Variants in FOCAD observed in about 807,000 individuals in gnomAD.
The protein encoded by FOCAD is KIAA1797.
A neutral mutation model predicts 225.6 loss-of-function variants in FOCAD; 198 were observed. The observed-to-expected ratio is 0.88, with a 90% CI of 0.78 to 0.99. The LOEUF is 0.99. Ranked by LOEUF, FOCAD falls within the 50% of genes least tolerant of loss-of-function variation. The pLI, the probability that FOCAD is intolerant of heterozygous loss-of-function variation, is 0.00. For synonymous variants in FOCAD, 897 were observed against 755.0 expected, an observed-to-expected ratio of 1.19 and a Z score of -3.08; for missense variants, 2,713 against 2,123.6, an observed-to-expected ratio of 1.28 and a Z score of -5.46.
chr9:20,895,294 T>C (rs1831982537), intron 21 of FOCAD, among the ~76,000 whole-genome samples: 1 of 151,974 alleles, frequency 6.6e-6, no homozygotes, highest in Non-Finnish European at 1.5e-5. Flanking sequence ...TGTTGGCTCT[T>C]CTTTGTCCTT....
At chr9:20,680,671 T>C (rs1396871447), upstream of FOCAD, among the ~76,000 whole-genome samples, 3 of 152,124 alleles carry the variant, frequency 2.0e-5, no homozygotes, top group East Asian at 1.9e-4. Flanking sequence ...TTAGTCCTTC[T>C]AAAACATATT....
chr9:20,697,610 CAGAA>C (rs1210692427), intron 1 of FOCAD, among the ~76,000 whole-genome samples: 3 of 152,258 alleles, frequency 2.0e-5, no homozygotes, highest in African/African-American at 7.2e-5. Flanking sequence ...ATGTCACTAT[CAGAA>C]AGAGCTTTTT....
At chr9:20,918,945 G>C (rs1834118479) in intron 24 of FOCAD, among the ~76,000 whole-genome samples, 1 of 152,132 alleles carries the variant, frequency 6.6e-6, no homozygotes, top group Non-Finnish European at 1.5e-5. Context: ...TGCCAGCTTA[G>C]CTTCCCTTTC....
Position 20,926,346 on chromosome 9 carries a change from C to T in FOCAD, c.3007C>T (p.Leu1003Phe), listed in dbSNP as rs1371137485. The T allele has an allele frequency of 1.9e-6, 3 of 1,613,538 alleles. No individual in the cohort carries two copies. Among genetic ancestry groups the T allele is most frequent in the African/African-American group, 1.3e-5 (1 of 74,978 alleles). The change falls in exon 26 of 44, where the codon CTT becomes TTT. Residue 1003 changes from leucine (L) to phenylalanine (F), a missense_variant. By Grantham distance (22) the Leu-to-Phe change is conservative. Transcript: ENST00000338382. ...LSMKEWVSMV[L>F]DTLLVIVDSH... ...AATGAAAGAGTGGGTTTCCATGGTA[C>T]TTGATACACTCTTGGTCATTGTGGA...
chr9:20,825,864 G>A (rs1027393400), intron 15 of FOCAD, among the ~76,000 whole-genome samples: 1 of 152,072 alleles, frequency 6.6e-6, no homozygotes, highest in Non-Finnish European at 1.5e-5. Context: ...TAAAGATTGT[G>A]TTTTCAATAT....
At chr9:20,822,773 T>G (rs1824463249) in intron 14 of FOCAD, among the ~76,000 whole-genome samples, 1 of 151,846 alleles carries the variant, frequency 6.6e-6, no homozygotes, top group Non-Finnish European at 1.5e-5. Flanking sequence ...AGTGTCTTTT[T>G]GGGTTATTTC....
In FOCAD at chr9:20,765,056, A is replaced by T. The variant is rs774438475; in HGVS notation, c.682A>T (p.Ile228Leu). ...EQQILQLCCD[I>L]VPCLQVKDLI... Reference sequence around the variant, plus strand: ...GCAGATACTTCAACTGTGTTGTGACATAGTTCCATGTTTGCAGGTAAGGTC... The same window carrying T: ...GCAGATACTTCAACTGTGTTGTGACTTAGTTCCATGTTTGCAGGTAAGGTC... Residue 228 changes from isoleucine (I) to leucine (L), a missense_variant, in exon 7 of 44, where the codon ATA (isoleucine) becomes TTA (leucine). Transcript: ENST00000338382. 1.7e-5 allele frequency: 27 copies of T among 1,613,418 alleles called. No homozygotes were observed. In the South Asian group the frequency reaches 2.1e-4, roughly 12 times the overall value.
At chr9:20,793,857 C>T (rs1413175719) in intron 11 of FOCAD, among the ~76,000 whole-genome samples, 4 of 152,044 alleles carry the variant, frequency 2.6e-5, no homozygotes, top group South Asian at 2.1e-4. Flanking sequence ...AGGGAAAATA[C>T]GTTGAAGTCT....
chr9:20,976,648 CTT>C, intron 36 of FOCAD, 100 bp downstream of exon 36: 1 of 1,248,748 alleles, frequency 8.0e-7, no homozygotes, highest in South Asian at 1.3e-5. Flanking sequence ...ACTGGATAGA[CTT>C]TTCAGATCTT....
intron 35 of FOCAD, among the ~76,000 whole-genome samples, chr9:20,959,161 T>C (rs1761582991): frequency 6.6e-6 from 1 of 152,320 alleles, no homozygotes; most frequent in Middle Eastern, 3.4e-3. Flanking sequence ...CAACAGTGAA[T>C]GAATTCCCTT....
intron 11 of FOCAD, 133 bp from the exon 12 acceptor site, chr9:20,819,663 A>G (rs1824104732): frequency 2.2e-6 from 1 of 448,986 alleles, no homozygotes; most frequent in Non-Finnish European, 3.9e-6. Context: ...AGTAATAGCT[A>G]ACTGATATAT....
At chr9:20,869,816 G>C (rs1284783487) in intron 18 of FOCAD, among the ~76,000 whole-genome samples, 1 of 152,080 alleles carries the variant, frequency 6.6e-6, no homozygotes. Flanking sequence ...TATTTTGTTG[G>C]TTTGTAACAG....
intron 2 of FOCAD, among the ~76,000 whole-genome samples, chr9:20,678,527 A>C (rs1338149062): frequency 6.6e-6 from 1 of 152,218 alleles, no homozygotes. Context: ...TTACACAGCA[A>C]TCTCTATTAT....
intron 21 of FOCAD, among the ~76,000 whole-genome samples, chr9:20,891,470 C>A (rs372503869): frequency 6.6e-6 from 1 of 152,178 alleles, no homozygotes; most frequent in African/African-American, 2.4e-5. Context: ...AAATGTGCTA[C>A]TCCAGTGAAC....
At chr9:20,860,654 G>T (rs1210681717) in intron 15 of FOCAD, among the ~76,000 whole-genome samples, 1 of 152,036 alleles carries the variant, frequency 6.6e-6, no homozygotes, top group Non-Finnish European at 1.5e-5. Flanking sequence ...CGTGGCTGGG[G>T]CATATGCCTC....
At chr9:20,885,278 A>G in intron 21 of FOCAD, 48 bp downstream of exon 21, 1 of 1,360,254 alleles carries the variant, frequency 7.4e-7, no homozygotes, top group Non-Finnish European at 9.6e-7. Flanking sequence ...TTCTCCCTTC[A>G]TGATATGTTT....
chr9:20,768,000 G>C (rs917129598), intron 7 of FOCAD, among the ~76,000 whole-genome samples: 2 of 151,848 alleles, frequency 1.3e-5, no homozygotes, highest in African/African-American at 4.8e-5. Context: ...ATTGATTTTT[G>C]TATAAGGTGT....
intron 10 of FOCAD, among the ~76,000 whole-genome samples, chr9:20,788,105 G>A (rs1056301290): frequency 6.6e-5 from 10 of 152,128 alleles, no homozygotes; most frequent in Admixed American, 6.6e-4. Flanking sequence ...ACAATATAGT[G>A]TATCCATACA....
intron 2 of FOCAD, among the ~76,000 whole-genome samples, chr9:20,667,235 A>G (rs972950394): frequency 6.6e-6 from 1 of 152,254 alleles, no homozygotes; most frequent in Non-Finnish European, 1.5e-5. Context: ...TTGATCAATT[A>G]AAAATTAAAA....
Sources: gnomAD v4.1 joint callset for allele counts (sites outside exome capture counted in the v4.1 genomes callset) on GRCh38, gnomAD v4.1.1 for gene constraint, MANE v1.5 for transcripts, NCBI Gene and HGNC (gene_info 2026-07-23, HGNC 2026-07-21) for gene names.